Variants in UTP20 observed in about 807,000 individuals in gnomAD.
The protein encoded by UTP20 is UTP20 small subunit processome component.
A neutral mutation model predicts 329.5 loss-of-function variants in UTP20; 164 were observed. The observed-to-expected ratio is 0.50, with a 90% CI of 0.44 to 0.57. The LOEUF (loss-of-function observed/expected upper bound fraction) is 0.57. Ranked by LOEUF, UTP20 falls within the 20% of genes least tolerant of loss-of-function variation. The pLI is 0.00. For synonymous variants in UTP20, 1,151 were observed against 1,159.3 expected (o/e 0.99, Z 0.14); for missense variants, 3,055 against 3,284.2 (o/e 0.93, Z 1.71).
chr12:101,360,547 G>A (rs1183089392), intron 43 of UTP20, among the ~76,000 whole-genome samples: 1 of 152,136 alleles, frequency 6.6e-6, no homozygotes, highest in African/African-American at 2.4e-5. Context: ...AGTAGGGGCC[G>A]AATGCTGTGG....
intron 22 of UTP20, among the ~76,000 whole-genome samples, chr12:101,318,205 A>T (rs1050763210): frequency 2.6e-5 from 4 of 152,054 alleles, no homozygotes; most frequent in African/African-American, 9.7e-5. Context: ...CATTTACCTA[A>T]ATTGTTAGAA....
At chr12:101,367,517 A>C (rs995274514) in intron 47 of UTP20, among the ~76,000 whole-genome samples, 1 of 152,036 alleles carries the variant, frequency 6.6e-6, no homozygotes, top group Non-Finnish European at 1.5e-5. Context: ...CCCTACCTGT[A>C]CACATCATCA....
chr12:101,321,652 G>T, intron 25 of UTP20, 23 bp downstream of exon 25: 1 of 1,605,930 alleles, frequency 6.2e-7, no homozygotes, highest in South Asian at 1.1e-5. Flanking sequence ...TTCAAACACT[G>T]ATTTTTAAAA....
chr12:101,306,178 G>A (rs1241667851), intron 16 of UTP20, 113 bp downstream of exon 16: 2 of 1,296,572 alleles, frequency 1.5e-6, no homozygotes, highest in African/African-American at 3.0e-5. Flanking sequence ...GATGATTTCT[G>A]TTTAAAGCGA....
intron 10 of UTP20, among the ~76,000 whole-genome samples, chr12:101,292,340 T>C (rs1872186346): frequency 6.6e-6 from 1 of 152,202 alleles, no homozygotes; most frequent in African/African-American, 2.4e-5. Flanking sequence ...AATCTATACA[T>C]ATTCTGCAAT....
chr12:101,321,387 C>T, intron 24 of UTP20, 117 bp from the exon 25 acceptor site: 11 of 1,394,936 alleles, frequency 7.9e-6, no homozygotes, highest in Non-Finnish European at 1.1e-5. Flanking sequence ...GGATATCAAC[C>T]ATAATATGTA....
intron 2 of UTP20, among the ~76,000 whole-genome samples, chr12:101,284,120 G>T (rs999868659): frequency 6.6e-6 from 1 of 151,918 alleles, no homozygotes; most frequent in East Asian, 1.9e-4. Context: ...TTAGATACAG[G>T]GGGTACCTGT....
intron 40 of UTP20, 138 bp downstream of exon 40, chr12:101,353,267 G>A (rs1869598757): frequency 2.2e-6 from 1 of 450,586 alleles, no homozygotes; most frequent in Non-Finnish European, 3.9e-6. Context: ...GAGTCAGGAA[G>A]GAGGCTAAAA....
At chr12:101,308,462 T>C (rs1216532354) in intron 18 of UTP20, 119 bp downstream of exon 18, 1 of 612,474 alleles carries the variant, frequency 1.6e-6, no homozygotes, top group Non-Finnish European at 2.1e-6. Flanking sequence ...TTAAAAATAA[T>C]AAGGGAAATC....
intron 27 of UTP20, among the ~76,000 whole-genome samples, chr12:101,332,095 T>G (rs1868778149): frequency 6.6e-6 from 1 of 152,158 alleles, no homozygotes; most frequent in Non-Finnish European, 1.5e-5. Context: ...CCCAGCACTT[T>G]GGGAGTCCGA....
chr12:101,379,444 C>G lies in UTP20; in HGVS notation c.7470C>G (p.Leu2490=), dbSNP rs776035334. Residue 2490 remains leucine, a synonymous_variant, in exon 57 of 62, where the codon CTC becomes CTG. Coordinates refer to ENST00000261637, the MANE Select transcript of UTP20 (RefSeq NM_014503.3). ...WLTAAQIFGL[L]FASCQPEELI... ...CAGCAGCCCAGATTTTTGGATTACT[C>G]TTTGCCTCTTGCCAGCCAGAGGAGC... The G allele has an allele frequency of 1.5e-5, 24 of 1,613,966 alleles. No homozygotes were observed. The South Asian group carries it at 1.5e-4, about 10-fold the overall frequency.
intron 19 of UTP20, among the ~76,000 whole-genome samples, 177 bp from the exon 20 acceptor site, chr12:101,311,542 C>T (rs1003810997): frequency 6.6e-6 from 1 of 152,032 alleles, no homozygotes; most frequent in African/African-American, 2.4e-5. Flanking sequence ...ATGATTTGTG[C>T]TCAGTGCAGG....
intron 15 of UTP20, among the ~76,000 whole-genome samples, chr12:101,305,576 T>C (rs554177292): frequency 6.8e-6 from 1 of 147,108 alleles, no homozygotes; most frequent in South Asian, 2.1e-4. Context: ...TAATATTTAA[T>C]ATTATTTAAT....
At chr12:101,354,261 C>CAAAAAA (rs71091489) in intron 40 of UTP20, among the ~76,000 whole-genome samples, 57 of 79,864 alleles carry the variant, frequency 7.1e-4, no homozygotes, top group African/African-American at 9.4e-4. Context: ...GACTCTGTCT[C>CAAAAAA]AAAAAAAAAA....
In UTP20 at chr12:101,305,959, A is replaced by T; in HGVS notation, c.1826A>T (p.Tyr609Phe). 1 of 1,613,632 alleles carries T rather than the reference A, an allele frequency of 6.2e-7. No homozygotes were observed. The highest frequency in any genetic ancestry group is 8.5e-7 in the Non-Finnish European group (1 of 1,179,828). ...TCTGTGTTGCTGTTGACTGATCTCT[A>T]TTATCAGAGATTAGCCTTGTGTGGC... ...EPSVLLLTDLYYQRLALCGCK... is the reference protein window; with the variant it reads ...EPSVLLLTDLFYQRLALCGCK... The change falls in exon 16 of 62, where the codon TAT (tyrosine) becomes TTT (phenylalanine). Residue 609 changes from tyrosine (Y) to phenylalanine (F), a missense_variant. Physicochemically the swap from Tyr to Phe is conservative, Grantham distance 22. Around this residue, in one of 3 missense-constraint regions of UTP20, gnomAD observed 2,445 missense variants for 2,575.5 expected, o/e 0.95. Coordinates refer to ENST00000261637, the MANE Select transcript of UTP20 (RefSeq NM_014503.3).
intron 28 of UTP20, among the ~76,000 whole-genome samples, 154 bp downstream of exon 28, chr12:101,333,598 T>G (rs1868834666): frequency 6.6e-6 from 1 of 152,208 alleles, no homozygotes; most frequent in South Asian, 2.1e-4. Flanking sequence ...ACACTTTTCT[T>G]TGCCTTCACT....
At chr12:101,280,986 G>A (rs1256179210) in intron 1 of UTP20, 130 bp from the exon 2 acceptor site, 9 of 700,822 alleles carry the variant, frequency 1.3e-5, no homozygotes, top group Non-Finnish European at 2.1e-5. Context: ...GTTTACGGCC[G>A]TATGTTTTTC....
At position 101,334,512 on chromosome 12, in the gene UTP20, C is replaced by A; in HGVS notation, c.3641+8C>A. ...CTGGAGCAGAAACGCAAGGTATAAC[C>A]TTTCTTTTTTCCTTCTTTAAAAAGG... On this transcript the variant is annotated splice_region_variant and intron_variant, in intron 29 of 61. Transcript: ENST00000261637. 5 of 1,606,594 alleles carry A rather than the reference C, an allele frequency of 3.1e-6. No individual in the cohort carries two copies. The highest frequency in any genetic ancestry group is 1.1e-5 in the South Asian group (1 of 90,192).
At chr12:101,314,011 T>G (rs1872880989) in intron 21 of UTP20, among the ~76,000 whole-genome samples, 1 of 152,196 alleles carries the variant, frequency 6.6e-6, no homozygotes, top group South Asian at 2.1e-4. Flanking sequence ...TTGGAAATTA[T>G]CAATATATGG....
Sources: allele counts gnomAD v4.1 joint callset (sites outside exome capture counted in the v4.1 genomes callset), GRCh38; gene constraint gnomAD v4.1.1; regional missense constraint gnomAD v4.1.1; transcripts MANE v1.5; gene names NCBI Gene and HGNC (gene_info 2026-07-23, HGNC 2026-07-21).